SLC15A2: variants seen among roughly 807,000 people sequenced by gnomAD.
The protein encoded by SLC15A2 is solute carrier family 15 member 2.
Under a neutral mutation model 95.5 loss-of-function variants are expected in SLC15A2, and 77 were observed. The ratio of observed to expected loss-of-function variants is 0.81; its 90% CI spans 0.67 to 0.97. SLC15A2 has a LOEUF of 0.97. Ranked by LOEUF, SLC15A2 falls within the 50% of genes least tolerant of loss-of-function variation. The pLI is 0.00. For synonymous variants in SLC15A2, 306 were observed against 306.9 expected, an observed-to-expected ratio of 1.00 and a Z score of 0.03; for missense variants, 893 against 874.4, an observed-to-expected ratio of 1.02 and a Z score of -0.27.
intron 8 of SLC15A2, 63 bp downstream of exon 8, chr3:121,922,365 T>C (rs1403513999): frequency 7.6e-7 from 1 of 1,324,106 alleles, no homozygotes; most frequent in Non-Finnish European, 1.1e-6. Flanking sequence ...ATGCTGAGAA[T>C]ATGGGCCTTC....
At chr3:121,939,253 T>G in intron 19 of SLC15A2, 96 bp from the exon 20 acceptor site, 1 of 1,042,458 alleles carries the variant, frequency 9.6e-7, no homozygotes, top group Non-Finnish European at 1.3e-6. Context: ...AGAATGAAAA[T>G]ACAAAAAGGA....
At chr3:121,927,963 A>G (rs916046289) in intron 14 of SLC15A2, 124 bp downstream of exon 14, 17 of 703,722 alleles carry the variant, frequency 2.4e-5, no homozygotes, top group Admixed American at 2.3e-4. Flanking sequence ...GAGGTGCATC[A>G]TAAGTATTTG....
intron 3 of SLC15A2, among the ~76,000 whole-genome samples, chr3:121,904,924 A>T (rs6791876): frequency 6.6e-6 from 1 of 152,012 alleles, no homozygotes; most frequent in South Asian, 2.1e-4. Flanking sequence ...AGAAGGAATG[A>T]TACCAGCCCC....
chr3:121,939,872 G>A (rs1014978344), intron 20 of SLC15A2, among the ~76,000 whole-genome samples: 4 of 151,916 alleles, frequency 2.6e-5, no homozygotes, highest in South Asian at 2.1e-4. Context: ...CAGCCTGAGC[G>A]ACAGAGCGAG....
At chr3:121,931,033 T>C (rs1028024631) in intron 18 of SLC15A2, 83 bp downstream of exon 18, 3 of 840,228 alleles carry the variant, frequency 3.6e-6, no homozygotes, top group Admixed American at 2.0e-5. Flanking sequence ...GTGGGGAACT[T>C]AGGTGCATGT....
chr3:121,930,931 A>C lies in SLC15A2; in HGVS notation c.1645A>C (p.Arg549=). The change falls in exon 18 of 22, where the codon AGA becomes CGA. Residue 549 remains arginine, a synonymous_variant. Coordinates refer to ENST00000489711, the MANE Select transcript of SLC15A2 (RefSeq NM_021082.4). ...TGAAGACTATGGTGTGTCTGCTTAT[A>C]GAACTGTGCAAAGAGGAGAGTAAGT... ...VGEDYGVSAY[R]TVQRGEYPAV... 6.2e-7 allele frequency: 1 copy of C among 1,610,260 alleles called. No individual in the cohort carries two copies. Among genetic ancestry groups the C allele is most frequent in the South Asian group, 1.1e-5 (1 of 90,998 alleles).
intron 3 of SLC15A2, among the ~76,000 whole-genome samples, chr3:121,905,218 T>C (rs932908135): frequency 6.6e-6 from 1 of 152,180 alleles, no homozygotes; most frequent in Non-Finnish European, 1.5e-5. Context: ...TTTTTTATTG[T>C]ATCTATTTGA....
chr3:121,911,876 T>A (rs1276634670), intron 4 of SLC15A2, among the ~76,000 whole-genome samples: 1 of 152,198 alleles, frequency 6.6e-6, no homozygotes, highest in Non-Finnish European at 1.5e-5. Context: ...CTAGTTAGTA[T>A]CCTCTTCATA....
chr3:121,922,410 T>G (rs1710024671), intron 8 of SLC15A2, 108 bp downstream of exon 8: 1 of 785,886 alleles, frequency 1.3e-6, no homozygotes. Context: ...ATGACCTCTA[T>G]TCTATTTTCA....
At position 121,915,646 on chromosome 3, in the gene SLC15A2, A is replaced by T; in HGVS notation, c.650A>T (p.Tyr217Phe). The T allele has an allele frequency of 6.2e-7, 1 of 1,614,008 alleles. No homozygotes were observed. Among genetic ancestry groups the T allele is most frequent in the Non-Finnish European group, 8.5e-7 (1 of 1,179,878 alleles). The change falls in exon 7 of 22, where the codon TAT becomes TTT. Residue 217 changes from tyrosine to phenylalanine, a missense_variant. Physicochemically the swap from Tyr to Phe is conservative, Grantham distance 22. Coordinates refer to ENST00000489711, the MANE Select transcript of SLC15A2 (RefSeq NM_021082.4). Reference sequence around the variant, plus strand: ...GTGCAATGTTTTGGAGAAGACTGCTATGCATTGGCTTTTGGAGTTCCAGGA... The same window carrying T: ...GTGCAATGTTTTGGAGAAGACTGCTTTGCATTGGCTTTTGGAGTTCCAGGA... ...GDVQCFGEDC[Y>F]ALAFGVPGLL... is the part of the protein sequence containing the mutation.
chr3:121,924,893 A>G (rs1710083257), intron 12 of SLC15A2, 52 bp from the exon 13 acceptor site: 24 of 1,302,750 alleles, frequency 1.8e-5, no homozygotes, highest in Non-Finnish European at 2.7e-5. Flanking sequence ...CAGTGCTCAC[A>G]CTCATGATAG....
chr3:121,897,602 G>C (rs1709443463), intron 3 of SLC15A2, 73 bp downstream of exon 3: 1 of 1,486,370 alleles, frequency 6.7e-7, no homozygotes, highest in Admixed American at 1.8e-5. Context: ...CTAGCCTCTT[G>C]CTTCTGAGTA....
chr3:121,914,889 C>T (rs1404148410), intron 5 of SLC15A2: 2 of 444,618 alleles, frequency 4.5e-6, no homozygotes, highest in Admixed American at 4.9e-5. Context: ...CAAACACACA[C>T]ATGAAATAAA....
At chr3:121,901,612 G>A (rs984570492) in intron 3 of SLC15A2, among the ~76,000 whole-genome samples, 1 of 151,598 alleles carries the variant, frequency 6.6e-6, no homozygotes, top group Non-Finnish European at 1.5e-5. Flanking sequence ...GTGTGCATGT[G>A]TGTGTAACAT....
At position 121,923,135 on chromosome 3, in the gene SLC15A2, A is replaced by G; in HGVS notation, c.957+6A>G. The G allele has an allele frequency of 1.2e-6, 2 of 1,613,812 alleles. No homozygotes were observed. The highest frequency in any genetic ancestry group is 8.5e-7 in the Non-Finnish European group (1 of 1,179,770). On this transcript the variant is annotated splice_donor_region_variant and intron_variant, in intron 10 of 21. Coordinates refer to ENST00000489711, the MANE Select transcript of SLC15A2 (RefSeq NM_021082.4). ...GGGCTCTTTTGGATCAGCAGGTAAGAATAGTTCTTTTGGACATTACCGCTC... is the reference window on the plus strand; with the variant it reads ...GGGCTCTTTTGGATCAGCAGGTAAGGATAGTTCTTTTGGACATTACCGCTC...
intron 11 of SLC15A2, among the ~76,000 whole-genome samples, chr3:121,923,620 CT>C (rs1710051965): frequency 6.6e-6 from 1 of 152,158 alleles, no homozygotes; most frequent in Non-Finnish European, 1.5e-5. Context: ...CGCAATTGGT[CT>C]ATCTCTTCAA....
intron 21 of SLC15A2, 83 bp downstream of exon 21, chr3:121,940,571 C>A: frequency 8.7e-7 from 1 of 1,143,472 alleles, no homozygotes; most frequent in South Asian, 1.3e-5. Context: ...CATCTCTCTG[C>A]TTCCCACATT....
chr3:121,906,406 G>A lies in SLC15A2; in HGVS notation c.336-5168G>A, dbSNP rs138347821. ...GTTAATTTGATCCAATCATTATGATGTTAGCTGGTTATTTTGCCCGTTAGT... is the reference window on the plus strand; with the variant it reads ...GTTAATTTGATCCAATCATTATGATATTAGCTGGTTATTTTGCCCGTTAGT... On this transcript the variant is annotated intron_variant, in intron 3 of 21. Transcript: ENST00000489711. 4.6e-5 allele frequency among the ~76,000 whole-genome samples: 7 copies of A among 152,322 alleles called. No homozygotes were observed. In the East Asian group the frequency reaches 1.3e-3, roughly 29 times the overall value.
chr3:121,913,645 A>T (rs976116233), intron 5 of SLC15A2, among the ~76,000 whole-genome samples: 3 of 152,242 alleles, frequency 2.0e-5, no homozygotes, highest in African/African-American at 7.2e-5. Context: ...GGAAAGTGAC[A>T]AATTGCAAGG....
Sources: gnomAD v4.1 joint callset for allele counts (sites outside exome capture counted in the v4.1 genomes callset) on GRCh38, gnomAD v4.1.1 for gene constraint, MANE v1.5 for transcripts, NCBI Gene and HGNC (gene_info 2026-07-23, HGNC 2026-07-21) for gene names.